The following SCAMP1 variants were observed in gnomAD, a reference collection of about 807,000 sequenced individuals.
SCAMP1 encodes secretory carrier membrane protein 1.
A neutral mutation model predicts 41.8 loss-of-function variants in SCAMP1; 15 were observed. The observed-to-expected ratio is 0.36, with a 90% CI of 0.24 to 0.55. The LOEUF is 0.55. Among genes scored for constraint, SCAMP1 ranks in the 20% least tolerant of loss-of-function variants. The pLI is 0.86. For synonymous variants in SCAMP1, 135 were observed against 136.8 expected (o/e 0.99, Z 0.09); for missense variants, 341 against 412.6 (o/e 0.83, Z 1.50).
intron 1 of SCAMP1, among the ~76,000 whole-genome samples, chr5:78,370,033 T>C (rs1750904034): frequency 6.6e-6 from 1 of 152,228 alleles, no homozygotes; most frequent in Non-Finnish European, 1.5e-5. Flanking sequence ...CTAGAAGGGA[T>C]GTGCCATGTC....
intron 2 of SCAMP1, among the ~76,000 whole-genome samples, chr5:78,394,584 G>C (rs1352576902): frequency 6.6e-6 from 1 of 152,164 alleles, no homozygotes; most frequent in Non-Finnish European, 1.5e-5. Context: ...TGCAGGGGCT[G>C]ACTGGATATA....
chr5:78,390,609 G>A (rs1418308187), intron 2 of SCAMP1, among the ~76,000 whole-genome samples: 1 of 151,598 alleles, frequency 6.6e-6, no homozygotes, highest in East Asian at 1.9e-4. Flanking sequence ...ATGGGAACAA[G>A]ACCATTTTTA....
chr5:78,469,918 AAAAAAAAAAAAAAACAACAAC>A (rs1753840169), intron 8 of SCAMP1, among the ~76,000 whole-genome samples: 2 of 45,622 alleles, frequency 4.4e-5, no homozygotes, highest in Non-Finnish European at 8.8e-5. Flanking sequence ...AAAAACAAAA[AAAAAAAAAAAAAAACAACAAC>A]ACAGCCCAGG....
chr5:78,414,807 T>C (rs1429580647), intron 2 of SCAMP1, among the ~76,000 whole-genome samples: 1 of 152,160 alleles, frequency 6.6e-6, no homozygotes, highest in Non-Finnish European at 1.5e-5. Flanking sequence ...TTTACTCTTT[T>C]AAATTTAGTG....
chr5:78,410,364 G>A (rs1752045344), intron 2 of SCAMP1, among the ~76,000 whole-genome samples: 1 of 151,368 alleles, frequency 6.6e-6, no homozygotes, highest in Non-Finnish European at 1.5e-5. Flanking sequence ...TGTTCTCAAT[G>A]TTCAGTTCCC....
rs1580694013 is a variant in SCAMP1, at chr5:78,436,649, G to A, written c.633-13284G>A. 2.6e-5 allele frequency among the ~76,000 whole-genome samples: 4 copies of A among 152,332 alleles called. No individual in the cohort carries two copies. In the South Asian group the frequency reaches 6.2e-4, roughly 24 times the overall value. ...AGCCTTGTAGTATAGTTTGAACTCAGGTAGTGTGATGCCTCCAGCTTTGTT... is the reference window on the plus strand; with the variant it reads ...AGCCTTGTAGTATAGTTTGAACTCAAGTAGTGTGATGCCTCCAGCTTTGTT... On this transcript the variant is annotated intron_variant, in intron 6 of 8. Transcript: ENST00000621999.
chr5:78,364,717 C>A (rs1313325284), intron 1 of SCAMP1, among the ~76,000 whole-genome samples: 1 of 152,094 alleles, frequency 6.6e-6, no homozygotes, highest in Admixed American at 6.5e-5. Context: ...TTGAAAAGAT[C>A]TGGGCTTGAT....
At position 78,406,506 on chromosome 5, in the gene SCAMP1, TC is replaced by T. The variant is rs1751938771; in HGVS notation, c.136-9012del. The stretch of plus-strand genomic sequence containing the variant: ...GCATGACAAAGACAACTCATGAACT[TC>T]CTGTGCCTTGAAGAGACCTTGGGTA... On this transcript the variant is annotated intron_variant, in intron 2 of 8. Coordinates refer to ENST00000621999, the MANE Select transcript of SCAMP1 (RefSeq NM_004866.6). Among the ~76,000 whole-genome samples the T allele has an allele frequency of 2.0e-5, 3 of 152,272 alleles. No individual in the cohort carries two copies. The South Asian group carries it at 6.2e-4, about 32-fold the overall frequency.
At chr5:78,385,793 A>G (rs1368441425) in intron 1 of SCAMP1, among the ~76,000 whole-genome samples, 1 of 152,062 alleles carries the variant, frequency 6.6e-6, no homozygotes, top group Non-Finnish European at 1.5e-5. Flanking sequence ...ATTTTATTCC[A>G]CTGTGGTCTG....
In SCAMP1 at chr5:78,421,952, A is replaced by G. The variant is rs1214021890; in HGVS notation, c.624A>G (p.Gly208=). 1.2e-6 allele frequency: 2 copies of G among 1,611,250 alleles called. No homozygotes were observed. The highest frequency in any genetic ancestry group is 1.7e-5 in the Admixed American group (1 of 59,616). ...SFVCWYRPLY[G]AFRSDSSFRF... Reference sequence around the variant, plus strand: ...TCTGTTGGTACAGACCACTTTATGGAGCTTTCAGGTAAAATGTGTGTACTT... The same window carrying G: ...TCTGTTGGTACAGACCACTTTATGGGGCTTTCAGGTAAAATGTGTGTACTT... The change falls in exon 6 of 9, where the codon GGA becomes GGG. Residue 208 remains glycine, a synonymous_variant. Coordinates refer to ENST00000621999, the MANE Select transcript of SCAMP1 (RefSeq NM_004866.6).
At chr5:78,394,232 A>G (rs1272958036) in intron 2 of SCAMP1, among the ~76,000 whole-genome samples, 1 of 152,200 alleles carries the variant, frequency 6.6e-6, no homozygotes, top group African/African-American at 2.4e-5. Flanking sequence ...AATTCAGGAC[A>G]TGAAGTAGAC....
Position 78,418,766 on chromosome 5 carries a change from A to T in SCAMP1, c.344-9A>T. On this transcript the variant is annotated splice_polypyrimidine_tract_variant and intron_variant, in intron 4 of 8. Coordinates refer to ENST00000621999, the MANE Select transcript of SCAMP1 (RefSeq NM_004866.6). ...AATAACCTTTTCTTTTTCTAAAAAA[A>T]ATTTACAGGTAGAAAAAATAATTGG... 6.7e-7 allele frequency: 1 copy of T among 1,485,800 alleles called. No individual in the cohort carries two copies. Among genetic ancestry groups the T allele is most frequent in the Non-Finnish European group, 9.0e-7 (1 of 1,107,662 alleles). The allele number at this position is 1,485,800 out of a possible 1,614,324, so 92.0% of individuals were successfully genotyped here. A position where few individuals can be genotyped will look rare whatever the true frequency, so the allele number is the denominator to read the frequency against.
intron 8 of SCAMP1, among the ~76,000 whole-genome samples, chr5:78,474,229 C>T (rs921729147): frequency 6.6e-6 from 1 of 152,016 alleles, no homozygotes; most frequent in Non-Finnish European, 1.5e-5. Flanking sequence ...CCGAAAAGGC[C>T]TGCCTGCTAA....
chr5:78,406,269 A>T (rs1057364360), intron 2 of SCAMP1, among the ~76,000 whole-genome samples: 1 of 152,178 alleles, frequency 6.6e-6, no homozygotes, highest in Non-Finnish European at 1.5e-5. Context: ...AGAAGGGCCC[A>T]GAGTTTGCAT....
At chr5:78,442,156 A>G (rs1185378535) in intron 6 of SCAMP1, among the ~76,000 whole-genome samples, 1 of 152,154 alleles carries the variant, frequency 6.6e-6, no homozygotes, top group East Asian at 1.9e-4. Context: ...AGCATGATAA[A>G]TAGTTTCATG....
At chr5:78,469,032 T>TA (rs1753810066) in intron 8 of SCAMP1, among the ~76,000 whole-genome samples, 1 of 152,160 alleles carries the variant, frequency 6.6e-6, no homozygotes, top group African/African-American at 2.4e-5. Context: ...ACTTGGGTTT[T>TA]ACATCCCATG....
chr5:78,437,851 T>C lies in SCAMP1; in HGVS notation c.633-12082T>C, dbSNP rs565674191. Among the ~76,000 whole-genome samples, 5 of 152,360 alleles carry C rather than the reference T, an allele frequency of 3.3e-5. No homozygotes were observed. In the South Asian group the frequency reaches 8.3e-4, roughly 25 times the overall value. Reference sequence around the variant, plus strand: ...TGTGAATCCGTCTGGTCCTGGACTTTATTTGGTTGGTAGGCTATTAATTAT... The same window carrying C: ...TGTGAATCCGTCTGGTCCTGGACTTCATTTGGTTGGTAGGCTATTAATTAT... On this transcript the variant is annotated intron_variant, in intron 6 of 8. Coordinates refer to ENST00000621999, the MANE Select transcript of SCAMP1 (RefSeq NM_004866.6).
chr5:78,397,224 A>G (rs1416824032), intron 2 of SCAMP1, among the ~76,000 whole-genome samples: 3 of 152,248 alleles, frequency 2.0e-5, no homozygotes, highest in African/African-American at 4.8e-5. Context: ...TGTCAGGATA[A>G]TCCAATGGGA....
chr5:78,449,000 C>CA lies in SCAMP1; in HGVS notation c.633-921dup, dbSNP rs370076536. The stretch of plus-strand genomic sequence containing the variant: ...GGGCAAGAAGAGCAAAACTCCGTCT[C>CA]AAAAAAAAAAAAGAAAATGTAAATA... On this transcript the variant is annotated intron_variant, in intron 6 of 8. Transcript: ENST00000621999. 4.1e-3 allele frequency among the ~76,000 whole-genome samples: 561 copies of CA among 136,462 alleles called. 4 individuals carry two copies. Among genetic ancestry groups the CA allele is most frequent in the African/African-American group, 8.1e-3 (298 of 36,780 alleles). The allele number at this position is 136,462 out of a possible 152,430, so 89.5% of individuals were successfully genotyped here.
Sources: gnomAD v4.1 joint callset for allele counts (sites outside exome capture counted in the v4.1 genomes callset) on GRCh38, gnomAD v4.1.1 for gene constraint, MANE v1.5 for transcripts, NCBI Gene and HGNC (gene_info 2026-07-23, HGNC 2026-07-21) for gene names.